Variants in PMPCB observed in about 807,000 individuals in gnomAD.
PMPCB encodes peptidase, mitochondrial processing subunit beta, also known as mitochondrial-processing peptidase subunit beta.
Under a neutral mutation model 61.5 loss-of-function variants are expected in PMPCB, and 46 were observed. The ratio of observed to expected loss-of-function variants is 0.75; its 90% confidence interval spans 0.59 to 0.96. The LOEUF is 0.96. Among genes scored for constraint, PMPCB ranks in the 40% least tolerant of loss-of-function variants. The pLI, the probability that PMPCB is intolerant of heterozygous loss-of-function variation, is 0.00. For synonymous variants in PMPCB, 191 were observed against 201.6 expected (o/e 0.95, Z 0.44); for missense variants, 590 against 602.4 (o/e 0.98, Z 0.22).
At chr7:103,320,907 T>C (rs1818370282) in intron 12 of PMPCB, 1 of 159,350 alleles carries the variant, frequency 6.3e-6, no homozygotes, top group African/African-American at 2.4e-5. Flanking sequence ...AAGAAATACA[T>C]TTATGCTTGG....
chr7:103,346,818 ATGTGTGTGTGTGTGTGTGTG>A, the PMPCB span, among the ~76,000 whole-genome samples: 1 of 150,074 alleles, frequency 6.7e-6, no homozygotes, highest in African/African-American at 2.5e-5. Flanking sequence ...AGGCTGAATA[ATGTGTGTGTGTGTGTGTGTG>A]TGTGTGTGTG....
chr7:103,301,062 T>A (rs988083825), intron 4 of PMPCB, among the ~76,000 whole-genome samples: 1 of 152,226 alleles, frequency 6.6e-6, no homozygotes, highest in Non-Finnish European at 1.5e-5. Context: ...TAATAGACTT[T>A]CATTAATAAT....
chr7:103,328,539 A>G (rs1197717021), intron 12 of PMPCB, among the ~76,000 whole-genome samples: 1 of 152,036 alleles, frequency 6.6e-6, no homozygotes, highest in African/African-American at 2.4e-5. Flanking sequence ...GCTCAGACAT[A>G]AGAATCGCTT....
intron 6 of PMPCB, among the ~76,000 whole-genome samples, chr7:103,306,288 A>T (rs1358286325): frequency 6.6e-6 from 1 of 152,120 alleles, no homozygotes; most frequent in Admixed American, 6.5e-5. Context: ...GTCTCAAGTA[A>T]GGGATATAGA....
At chr7:103,326,593 T>C (rs898019001) in intron 12 of PMPCB, 1 of 1,613,930 alleles carries the variant, frequency 6.2e-7, no homozygotes, top group Non-Finnish European at 8.5e-7. Flanking sequence ...AATTATCCTT[T>C]GCTTCACTTT....
At chr7:103,339,296 T>C in the PMPCB span, among the ~76,000 whole-genome samples, 12 of 152,342 alleles carry the variant, frequency 7.9e-5, no homozygotes, top group South Asian at 8.3e-4. Context: ...GAAAATAAAC[T>C]GAACAAGTGA....
chr7:103,316,917 C>A (rs1302445306), downstream of PMPCB: 2 of 1,614,052 alleles, frequency 1.2e-6, no homozygotes, highest in Non-Finnish European at 1.7e-6. Flanking sequence ...TCCATTTCCA[C>A]CTCCACCAGT....
In PMPCB at chr7:103,297,507, G is replaced by A. The variant is rs778432204; in HGVS notation, c.48G>A (p.Arg16=). Residue 16 remains arginine (R), a synonymous_variant, in exon 1 of 13, where the codon CGG becomes CGA. Transcript: ENST00000249269. ...ARVVLSSAAR[R]RLWGFSESLL... is the part of the protein sequence containing the mutation. ...TGGTGTTGTCATCCGCGGCGCGGCGGCGGCTCTGGGGTTTCAGCGAGAGTC... is the reference window on the plus strand; with the variant it reads ...TGGTGTTGTCATCCGCGGCGCGGCGACGGCTCTGGGGTTTCAGCGAGAGTC... 1 of 1,584,228 alleles carries A rather than the reference G, an allele frequency of 6.3e-7. No homozygotes were observed. The highest frequency in any genetic ancestry group is 1.1e-5 in the South Asian group (1 of 87,236).
chr7:103,314,267 T>C lies in PMPCB; in HGVS notation c.*1996T>C. 1.0e-6 allele frequency: 1 copy of C among 985,418 alleles called. No homozygotes were observed. The highest frequency in any genetic ancestry group is 4.7e-5 in the South Asian group (1 of 21,286). 61.0% of individuals were successfully genotyped at this position (985,418 alleles called of 1,614,324 possible). On this transcript the variant is annotated 3_prime_UTR_variant, in exon 13 of 13. Transcript: ENST00000249269. ...TATTTCCTGCTGTTCTCCAGTTACT[T>C]CACAATACCAAAATAAATTAAACGT...
chr7:103,347,299 ATGT>A, the PMPCB span, among the ~76,000 whole-genome samples: 3 of 152,164 alleles, frequency 2.0e-5, no homozygotes, highest in African/African-American at 7.2e-5. Context: ...CCTAACAGTG[ATGT>A]TGTCCATTTG....
rs1229608752 is a variant in PMPCB at position 103,314,035 on chromosome 7, AAAAC to A, written c.*1768_*1771del. On this transcript the variant is annotated 3_prime_UTR_variant, in exon 13 of 13. Transcript: ENST00000249269. ...CCAATTAAAGAAGGAAAAACAAAACAAAACAAAACAAAACCACCACCTATTCAAA... is the reference window on the plus strand; with the variant it reads ...CCAATTAAAGAAGGAAAAACAAAACAAAAACAAAACCACCACCTATTCAAA... The A allele has an allele frequency of 2.0e-6, 2 of 984,898 alleles. No individual in the cohort carries two copies. The highest frequency in any genetic ancestry group is 3.5e-5 in the African/African-American group (2 of 56,864). 61.0% of individuals were successfully genotyped at this position (984,898 alleles called of 1,614,324 possible).
At chr7:103,308,867 TG>T in intron 7 of PMPCB, 84 bp from the exon 8 acceptor site, 1 of 1,096,946 alleles carries the variant, frequency 9.1e-7, no homozygotes, top group Non-Finnish European at 1.3e-6. Context: ...TTGCAGTTAA[TG>T]GGACTGGTGA....
the PMPCB span, among the ~76,000 whole-genome samples, chr7:103,345,906 T>C: frequency 5.7e-3 from 868 of 151,770 alleles, 12 homozygotes; most frequent in African/African-American, 0.02. Context: ...GATCACACCA[T>C]TGCGCTCCAG....
intron 12 of PMPCB, among the ~76,000 whole-genome samples, chr7:103,326,314 A>T (rs1375529578): frequency 1.3e-5 from 2 of 152,210 alleles, no homozygotes; most frequent in Non-Finnish European, 2.9e-5. Flanking sequence ...CATAAATTGT[A>T]CAGAAATTTT....
chr7:103,298,521 T>C, intron 1 of PMPCB, 47 bp from the exon 2 acceptor site: 1 of 1,566,852 alleles, frequency 6.4e-7, no homozygotes, highest in African/African-American at 1.4e-5. Context: ...AATATCAGAT[T>C]AGTAATGTGT....
In PMPCB at chr7:103,327,377, T is replaced by C. The variant is rs1410307065; in HGVS notation, c.*1432-1554T>C. Reference sequence around the variant, plus strand: ...GCTTCTGATAAGAATCACCTGGGGATCCTGTTAAAATGCAGATTTTAATCA... The same window carrying C: ...GCTTCTGATAAGAATCACCTGGGGACCCTGTTAAAATGCAGATTTTAATCA... On this transcript the variant is annotated intron_variant and NMD_transcript_variant, in intron 12 of 12. Coordinates refer to the PMPCB transcript ENST00000444457. 4.8e-6 allele frequency: 6 copies of C among 1,241,694 alleles called. No individual in the cohort carries two copies. The South Asian group carries it at 7.6e-5, about 16-fold the overall frequency. The allele number at this position is 1,241,694 out of a possible 1,614,324, so 76.9% of individuals were successfully genotyped here. A position where few individuals can be genotyped will look rare whatever the true frequency, so the allele number is the denominator to read the frequency against.
rs547308211 is a variant in PMPCB, at chr7:103,298,880, G to A, written c.240+172G>A. 3.3e-5 allele frequency among the ~76,000 whole-genome samples: 5 copies of A among 152,302 alleles called. No homozygotes were observed. In the South Asian group the frequency reaches 1.0e-3, roughly 32 times the overall value. ...TTTCTTCCAGTGGTACTTAGTTACA[G>A]GGTGCATATGTATCCTGTTGCATTG... On this transcript the variant is annotated intron_variant, in intron 2 of 12. Transcript: ENST00000249269.
chr7:103,310,243 ACACT>A, intron 8 of PMPCB, 68 bp from the exon 9 acceptor site: 1 of 1,138,346 alleles, frequency 8.8e-7, no homozygotes, highest in Middle Eastern at 2.0e-4. Flanking sequence ...TATTTTCCAC[ACACT>A]CCATTTTTCT....
chr7:103,347,185 A>C, the PMPCB span, among the ~76,000 whole-genome samples: 2 of 152,224 alleles, frequency 1.3e-5, no homozygotes, highest in Non-Finnish European at 1.5e-5. Flanking sequence ...CCCAAGGGTC[A>C]TCCTTTCCAA....
Sources: gnomAD v4.1 joint callset for allele counts (sites outside exome capture counted in the v4.1 genomes callset) on GRCh38, gnomAD v4.1.1 for gene constraint, MANE v1.5 for transcripts, NCBI Gene and HGNC (gene_info 2026-07-23, HGNC 2026-07-21) for gene names.